MUC5B: variants seen among roughly 807,000 people sequenced by gnomAD.
The protein encoded by MUC5B is mucin 5B, oligomeric mucus/gel-forming.
A neutral mutation model predicts 376.9 loss-of-function variants in MUC5B; 116 were observed. The observed-to-expected ratio is 0.31, with a 90% CI of 0.26 to 0.36. The LOEUF (loss-of-function observed/expected upper bound fraction) is 0.36, where lower values mean the gene tolerates loss of function less well. Ranked by LOEUF, MUC5B falls within the 10% of genes least tolerant of loss-of-function variation. The pLI, the probability that MUC5B is intolerant of heterozygous loss-of-function variation, is 1.00. For synonymous variants in MUC5B, 3,517 were observed against 3,390.9 expected (o/e 1.04, Z -1.29); for missense variants, 7,165 against 7,769.9 (o/e 0.92, Z 2.93).
chr11:1,233,293 C>A, intron 18 of MUC5B, 25 bp downstream of exon 18: 2 of 1,504,614 alleles, frequency 1.3e-6, no homozygotes, highest in Non-Finnish European at 1.8e-6. Context: ...GGAAAGCAGG[C>A]CCCCCAGGTG....
At position 1,243,414 on chromosome 11, in the gene MUC5B, C is replaced by G. The variant is rs533711232; in HGVS notation, c.6534C>G (p.Pro2178=). The change falls in exon 31 of 49, where the codon CCC becomes CCG. Residue 2178 remains proline, a synonymous_variant. Transcript: ENST00000529681. ...CAGCCACCAGCAACACAGTGACTCC[C>G]TCCTCTGCCCTAGGGACCACCCACA... ...TPAATSNTVT[P]SSALGTTHTP... is the part of the protein sequence containing the mutation. 3 of 1,508,902 alleles carry G rather than the reference C, an allele frequency of 2.0e-6. No homozygotes were observed. Among genetic ancestry groups the G allele is most frequent in the Non-Finnish European group, 2.7e-6 (3 of 1,110,202 alleles). The allele number at this position is 1,508,902 out of a possible 1,614,324, so 93.5% of individuals were successfully genotyped here. A position where few individuals can be genotyped will look rare whatever the true frequency, so the allele number is the denominator to read the frequency against.
rs1862036035 is a variant in MUC5B at position 1,231,850 on chromosome 11, G to A, written c.1679-146G>A. 20 of 1,196,704 alleles carry A rather than the reference G, an allele frequency of 1.7e-5. No individual in the cohort carries two copies. In the South Asian group the frequency reaches 2.2e-4, roughly 13 times the overall value. The allele number at this position is 1,196,704 out of a possible 1,614,324, so 74.1% of individuals were successfully genotyped here. ...CTGCACAGGGGCGCCCCCCGCCAGGGCTTATCTGCAGAGGGTTCTGGGAGC... is the reference window on the plus strand; with the variant it reads ...CTGCACAGGGGCGCCCCCCGCCAGGACTTATCTGCAGAGGGTTCTGGGAGC... On this transcript the variant is annotated intron_variant, in intron 14 of 48. Transcript: ENST00000529681.
intron 8 of MUC5B, 72 bp downstream of exon 8, chr11:1,228,837 C>T: frequency 4.4e-6 from 1 of 229,686 alleles, no homozygotes; most frequent in Non-Finnish European, 6.9e-6. Context: ...TTGGGGGCCA[C>T]TGGGGGTGGG....
rs369778144 is a variant in MUC5B, at chr11:1,251,054, C to T, written c.14174C>T (p.Ser4725Phe). ...TPAATSSKATSSSSPRTATTL... is the reference protein window; with the variant it reads ...TPAATSSKATFSSSPRTATTL... ...GCAGCCACCAGCTCCAAAGCCACTTCCTCCTCCAGTCCAAGGACTGCAACC... is the reference window on the plus strand; with the variant it reads ...GCAGCCACCAGCTCCAAAGCCACTTTCTCCTCCAGTCCAAGGACTGCAACC... The change falls in exon 31 of 49, where the codon TCC becomes TTC. Residue 4725 changes from serine to phenylalanine, a missense_variant. By Grantham distance (155) the Ser-to-Phe change is radical (BLOSUM62 -2). Around this residue, in one of 31 missense-constraint regions of MUC5B, gnomAD observed 730 missense variants for 592.7 expected, o/e 1.23. Transcript: ENST00000529681. 5 of 1,611,382 alleles carry T rather than the reference C, an allele frequency of 3.1e-6. No individual in the cohort carries two copies. The African/African-American group carries it at 6.7e-5, about 22-fold the overall frequency.
rs200110193 is a variant in MUC5B, at chr11:1,250,352, C to G, written c.13472C>G (p.Thr4491Ser). 1.9e-6 allele frequency: 3 copies of G among 1,613,306 alleles called. No homozygotes were observed. Among genetic ancestry groups the G allele is most frequent in the Non-Finnish European group, 2.5e-6 (3 of 1,179,694 alleles). The change falls in exon 31 of 49, where the codon ACC (threonine) becomes AGC (serine). Residue 4491 changes from threonine (T) to serine (S), a missense_variant. Around this residue, in one of 31 missense-constraint regions of MUC5B, gnomAD observed 431 missense variants for 390.4 expected, o/e 1.10. Coordinates refer to ENST00000529681, the MANE Select transcript of MUC5B (RefSeq NM_002458.3). The stretch of plus-strand genomic sequence containing the variant: ...ACCACGGCCACGACACCCACAGTCA[C>G]CAGCTCCAAAGCCACTCCCTCCTCC... The part of the protein sequence containing the change: ...VSTTATTPTV[T>S]SSKATPSSSP...
At position 1,256,728 on chromosome 11, in the gene MUC5B, G is replaced by C. The variant is rs1230529239; in HGVS notation, c.16194G>C (p.Gln5398His). The part of the protein sequence containing the change: ...MAEGCFCPED[Q>H]ILFNAHMGIC... ...AGGGCTGCTTCTGCCCTGAGGACCA[G>C]ATCCTCTTCAACGCACACATGGGCA... The change falls in exon 39 of 49, where the codon CAG becomes CAC. Residue 5398 changes from glutamine (Q) to histidine (H), a missense_variant. By Grantham distance (24) the Gln-to-His change is conservative. Around this residue, in one of 31 missense-constraint regions of MUC5B, gnomAD observed 842 missense variants for 1,016.9 expected, o/e 0.83. Coordinates refer to ENST00000529681, the MANE Select transcript of MUC5B (RefSeq NM_002458.3). 1 of 1,559,224 alleles carries C rather than the reference G, an allele frequency of 6.4e-7. No homozygotes were observed. The highest frequency in any genetic ancestry group is 1.2e-5 in the South Asian group (1 of 83,892).
Position 1,250,276 on chromosome 11 carries a change from A to C in MUC5B, c.13396A>C (p.Thr4466Pro), listed in dbSNP as rs966473431. 9 of 1,612,676 alleles carry C rather than the reference A, an allele frequency of 5.6e-6. No homozygotes were observed. The highest frequency in any genetic ancestry group is 6.8e-6 in the Non-Finnish European group (8 of 1,179,552). The stretch of plus-strand genomic sequence containing the variant: ...CACCGTGACGGTGCCCACCGGATCC[A>C]CGGCCACCGCCTCCTCCACCCAGGC... ...TATVTVPTGS[T>P]ATASSTQATA... The change falls in exon 31 of 49, where the codon ACG becomes CCG. Residue 4466 changes from threonine (T) to proline (P), a missense_variant. By Grantham distance (38) the Thr-to-Pro change is conservative (BLOSUM62 -1). Coordinates refer to ENST00000529681, the MANE Select transcript of MUC5B (RefSeq NM_002458.3).
chr11:1,258,128 C>T lies in MUC5B; in HGVS notation c.16480C>T (p.Leu5494=), dbSNP rs779391276. The T allele has an allele frequency of 3.1e-6, 5 of 1,596,182 alleles. No individual in the cohort carries two copies. Among genetic ancestry groups the T allele is most frequent in the Admixed American group, 3.5e-5 (2 of 57,956 alleles). Residue 5494 remains leucine, a synonymous_variant, in exon 42 of 49, where the codon CTG becomes TTG. Coordinates refer to ENST00000529681, the MANE Select transcript of MUC5B (RefSeq NM_002458.3). This position sits in a 1 kb window ranked among gnomAD's most constrained non-coding sequence, Gnocchi z 5.5. ...VCNTTTCPQS[L]PVCPPGQESI... ...CAACACAACCACCTGCCCCCAGAGC[C>T]TGCCTGTGTGCCCGCCAGGGCAGGA...
rs371008200 is a variant in MUC5B at position 1,246,963 on chromosome 11, G to A, written c.10083G>A (p.Val3361=). 3,823 of 1,596,252 alleles carry A rather than the reference G, an allele frequency of 2.4e-3. 74 individuals carry two copies. The African/African-American group carries it at 0.043, about 18-fold the overall frequency. ...SIPGTTHTAT[V]LTTTTTTVAT... ...CGGGGACCACCCACACCGCCACAGT[G>A]CTGACCACCACCACCACAACTGTGG... The change falls in exon 31 of 49, where the codon GTG becomes GTA. Residue 3361 remains valine (V), a synonymous_variant. Coordinates refer to ENST00000529681, the MANE Select transcript of MUC5B (RefSeq NM_002458.3).
chr11:1,252,948 G>A lies in MUC5B; in HGVS notation c.15185G>A (p.Ser5062Asn). 1 of 1,612,688 alleles carries A rather than the reference G, an allele frequency of 6.2e-7. No homozygotes were observed. The highest frequency in any genetic ancestry group is 2.2e-5 in the East Asian group (1 of 44,886). ...CTGCCCATCAAAGTGTCGGACCCGA[G>A]CCAGCCCTGTGACTTCCACTATGAG... ...KHLPIKVSDP[S>N]QPCDFHYECE... is the part of the protein sequence containing the mutation. Residue 5062 changes from serine to asparagine, a missense_variant, in exon 33 of 49, where the codon AGC becomes AAC. Ser to Asn is a conservative substitution (Grantham distance 46, BLOSUM62 1). Transcript: ENST00000529681.
At position 1,238,962 on chromosome 11, in the gene MUC5B, C is replaced by T. The variant is rs958438708; in HGVS notation, c.3389C>T (p.Ala1130Val). ...TGCGAGTGTTTCTGCACGGCTGTGGCTGCCTACGCCCAGGCCTGCCACGAC... is the reference window on the plus strand; with the variant it reads ...TGCGAGTGTTTCTGCACGGCTGTGGTTGCCTACGCCCAGGCCTGCCACGAC... ...GDCECFCTAV[A>V]AYAQACHDAG... Residue 1130 changes from alanine (A) to valine (V), a missense_variant, in exon 26 of 49, where the codon GCT becomes GTT. Around this residue, in one of 31 missense-constraint regions of MUC5B, gnomAD observed 143 missense variants for 193.2 expected, o/e 0.74. Transcript: ENST00000529681. The T allele has an allele frequency of 4.4e-6, 7 of 1,574,356 alleles. No homozygotes were observed. The highest frequency in any genetic ancestry group is 6.0e-6 in the Non-Finnish European group (7 of 1,160,684).
chr11:1,259,377 C>A (rs1862939978), intron 44 of MUC5B: 5 of 489,214 alleles, frequency 1.0e-5, no homozygotes, highest in African/African-American at 3.9e-5. Flanking sequence ...CTGGGCAGAC[C>A]CAGCCCTGAG....
At position 1,258,177 on chromosome 11, in the gene MUC5B, G is replaced by A. The variant is rs762932432; in HGVS notation, c.16529G>A (p.Gly5510Asp). 1.3e-6 allele frequency: 2 copies of A among 1,599,948 alleles called. No individual in the cohort carries two copies. Among genetic ancestry groups the A allele is most frequent in the South Asian group, 1.1e-5 (1 of 88,494 alleles). The change falls in exon 42 of 49, where the codon GGC (glycine) becomes GAC (aspartate). Residue 5510 changes from glycine (G) to aspartate (D), a missense_variant. Gly to Asp is a moderately conservative substitution (Grantham distance 94). Coordinates refer to ENST00000529681, the MANE Select transcript of MUC5B (RefSeq NM_002458.3). This position sits in a 1 kb window ranked among gnomAD's most constrained non-coding sequence, Gnocchi z 5.5. Reference protein sequence around the residue: ...GQESICTQEEGDCCPTFRCRP... With the variant: ...GQESICTQEEDDCCPTFRCRP... ...GAGTCCATCTGCACCCAGGAGGAGG[G>A]CGACTGCTGTCCCACCTTCCGCTGC...
Position 1,250,073 on chromosome 11 carries a change from C to A in MUC5B, c.13193C>A (p.Ala4398Glu). The change falls in exon 31 of 49, where the codon GCA (alanine) becomes GAA (glutamate). Residue 4398 changes from alanine (A) to glutamate (E), a missense_variant. By Grantham distance (107) the Ala-to-Glu change is moderately radical. Around this residue, in one of 31 missense-constraint regions of MUC5B, gnomAD observed 431 missense variants for 390.4 expected, o/e 1.10. Coordinates refer to ENST00000529681, the MANE Select transcript of MUC5B (RefSeq NM_002458.3). The stretch of plus-strand genomic sequence containing the variant: ...TGGATCCTCACAGAGCTGACCACAG[C>A]AGCCACTACAACTGCAGCCACTGGC... ...TTWILTELTT[A>E]ATTTAATGPT... 6.3e-7 allele frequency: 1 copy of A among 1,595,266 alleles called. No homozygotes were observed. The highest frequency in any genetic ancestry group is 8.5e-7 in the Non-Finnish European group (1 of 1,169,768).
At chr11:1,254,394 A>C in intron 34 of MUC5B, 43 bp downstream of exon 34, 1 of 1,588,462 alleles carries the variant, frequency 6.3e-7, no homozygotes, top group Non-Finnish European at 8.5e-7. Context: ...CCCAGTCCCA[A>C]CCGCACCTGG....
intron 26 of MUC5B, 38 bp from the exon 27 acceptor site, chr11:1,239,400 G>T (rs1436048062): frequency 1.1e-5 from 17 of 1,583,082 alleles, no homozygotes; most frequent in Non-Finnish European, 1.5e-5. Context: ...GGTGAGGGCT[G>T]GTGGGCGCCT....
rs374948966 is a variant in MUC5B, at chr11:1,243,302, C to T, written c.6422C>T (p.Thr2141Met). 59 of 1,557,090 alleles carry T rather than the reference C, an allele frequency of 3.8e-5. No individual in the cohort carries two copies. Among genetic ancestry groups the T allele is most frequent in the South Asian group, 1.3e-4 (11 of 85,538 alleles). Residue 2141 changes from threonine (T) to methionine (M), a missense_variant, in exon 31 of 49, where the codon ACG (threonine) becomes ATG (methionine). Physicochemically the swap from Thr to Met is moderately conservative, Grantham distance 81. This residue lies in a region of MUC5B where 897 missense variants were observed against 779.6 expected (regional missense o/e 1.15). Transcript: ENST00000529681. ...PSLTTTATTI[T>M]ATGSTTNPSS... ...CTGACCACCACGGCCACTACGATCACGGCCACCGGCTCCACCACCAACCCC... is the reference window on the plus strand; with the variant it reads ...CTGACCACCACGGCCACTACGATCATGGCCACCGGCTCCACCACCAACCCC...
In MUC5B at chr11:1,244,136, C is replaced by A. The variant is rs1862379537; in HGVS notation, c.7256C>A (p.Ala2419Asp). The A allele has an allele frequency of 1.2e-6, 2 of 1,612,898 alleles. No homozygotes were observed. Among genetic ancestry groups the A allele is most frequent in the African/African-American group, 1.3e-5 (1 of 74,918 alleles). The change falls in exon 31 of 49, where the codon GCC becomes GAC. Residue 2419 changes from alanine (A) to aspartate (D), a missense_variant. Ala to Asp is a moderately radical substitution (Grantham distance 126). This residue lies in a region of MUC5B where 194 missense variants were observed against 268.5 expected (regional missense o/e 0.72). Transcript: ENST00000529681. ...TACGGCCACTGCCCCAGCACCCCGG[C>A]CACCAGCTCTACGGCCATGCCCTCC... is the stretch of plus-strand genomic sequence containing the variant. Reference protein sequence around the residue: ...CNYGHCPSTPATSSTAMPSST... With the variant: ...CNYGHCPSTPDTSSTAMPSST...
Position 1,248,214 on chromosome 11 carries a change from C to A in MUC5B, c.11334C>A (p.Ala3778=), listed in dbSNP as rs1379155867. The change falls in exon 31 of 49, where the codon GCC becomes GCA. Residue 3778 remains alanine, a synonymous_variant. Coordinates refer to ENST00000529681, the MANE Select transcript of MUC5B (RefSeq NM_002458.3). ...TCTCCAGTCCAGGGACTGCAACCGC[C>A]CTTCCAGCACTGAGAAGCACAGCCA... ...TPFSSPGTAT[A]LPALRSTATT... 3.1e-6 allele frequency: 5 copies of A among 1,599,836 alleles called. No homozygotes were observed. The highest frequency in any genetic ancestry group is 4.3e-6 in the Non-Finnish European group (5 of 1,170,890).
Sources: gnomAD v4.1 joint callset for allele counts on GRCh38, gnomAD v4.1.1 for gene constraint, gnomAD v4.1.1 regional missense constraint, Gnocchi (gnomAD v3.1) non-coding constraint, MANE v1.5 for transcripts, NCBI Gene and HGNC (gene_info 2026-07-23, HGNC 2026-07-21) for gene names.